The following TIE1 variants were observed in gnomAD, a reference collection of about 807,000 sequenced individuals.
TIE1 encodes the protein tyrosine kinase with immunoglobulin like and EGF like domains 1, also known as tyrosine-protein kinase receptor Tie-1.
In TIE1, 89 loss-of-function variants were observed where a neutral mutation model predicts 130.5. The ratio of observed to expected loss-of-function variants is 0.68; its 90% confidence interval spans 0.57 to 0.81. TIE1 has a LOEUF of 0.81. Ranked by LOEUF, TIE1 falls within the 40% of genes least tolerant of loss-of-function variation. The pLI, the probability that TIE1 is intolerant of heterozygous loss-of-function variation, is 0.00. For synonymous variants in TIE1, 568 were observed against 629.4 expected (o/e 0.90, Z 1.46); for missense variants, 1,392 against 1,559.8 (o/e 0.89, Z 1.81).
chr1:43,309,147 C>A lies in TIE1; in HGVS notation c.1188+16C>A, dbSNP rs537250554. The A allele has an allele frequency of 1.3e-6, 2 of 1,573,700 alleles. No individual in the cohort carries two copies. Among genetic ancestry groups the A allele is most frequent in the Non-Finnish European group, 1.7e-6 (2 of 1,156,692 alleles). On this transcript the variant is annotated intron_variant, in intron 8 of 22. Transcript: ENST00000372476. The surrounding 1 kb of genome is among the most constrained non-coding windows in gnomAD (Gnocchi z 6.3). ...TGTGCTCCTGGTCAGCCCCCAATCACCCCAACCCACCAGCCCCTCAGGCCG... is the reference window on the plus strand; with the variant it reads ...TGTGCTCCTGGTCAGCCCCCAATCAACCCAACCCACCAGCCCCTCAGGCCG...
chr1:43,317,891 A>G lies in TIE1; in HGVS notation c.2741A>G (p.Tyr914Cys). The change falls in exon 17 of 23, where the codon TAT becomes TGT. Residue 914 changes from tyrosine to cysteine, a missense_variant. By Grantham distance (194) the Tyr-to-Cys change is radical. This residue lies in a region of TIE1 where 286 missense variants were observed against 354.4 expected (regional missense o/e 0.81). Transcript: ENST00000372476. This position sits in a 1 kb window ranked among gnomAD's most constrained non-coding sequence, Gnocchi z 5.1. ...LGACKNRGYL[Y>C]IAIEYAPYGN... ...TCTCTTTGCCTCTCAGGTTACTTGT[A>G]TATCGCTATTGAATATGCCCCCTAC... The G allele has an allele frequency of 1.2e-6, 2 of 1,614,072 alleles. No individual in the cohort carries two copies. Among genetic ancestry groups the G allele is most frequent in the Non-Finnish European group, 1.7e-6 (2 of 1,179,960 alleles).
chr1:43,304,795 C>T (rs1646706998), intron 1 of TIE1, 56 bp from the exon 2 acceptor site: 4 of 1,380,288 alleles, frequency 2.9e-6, no homozygotes, highest in Non-Finnish European at 3.7e-6. Context: ...GCTGGGGGCT[C>T]TGGGGCACTA....
Position 43,306,975 on chromosome 1 carries a change from T to C in TIE1, c.620T>C (p.Phe207Ser), listed in dbSNP as rs1160150478. 1.9e-6 allele frequency: 3 copies of C among 1,613,794 alleles called. No individual in the cohort carries two copies. In the African/African-American group the frequency reaches 4.0e-5, roughly 22 times the overall value. Residue 207 changes from phenylalanine to serine, a missense_variant, in exon 4 of 23, where the codon TTC becomes TCC. Around this residue, in one of 6 missense-constraint regions of TIE1, gnomAD observed 415 missense variants for 424.8 expected, o/e 0.98. Transcript: ENST00000372476. This position sits in a 1 kb window ranked among gnomAD's most constrained non-coding sequence, Gnocchi z 4.9. ...YLEASPLGSA[F>S]FRLIVRGCGA... Reference sequence around the variant, plus strand: ...GAAGCCAGCCCCCTGGGCAGCGCCTTCTTTCGGCTCATCGTGCGGGGTCAG... The same window carrying C: ...GAAGCCAGCCCCCTGGGCAGCGCCTCCTTTCGGCTCATCGTGCGGGGTCAG...
rs150863408 is a variant in TIE1, at chr1:43,309,991, A to G, written c.1333+459A>G. 3.2e-3 allele frequency among the ~76,000 whole-genome samples: 489 copies of G among 152,150 alleles called. 4 individuals are homozygous for G. The highest frequency in any genetic ancestry group is 0.011 in the African/African-American group (473 of 41,506). On this transcript the variant is annotated intron_variant, in intron 9 of 22. Coordinates refer to ENST00000372476, the MANE Select transcript of TIE1 (RefSeq NM_005424.5). The surrounding 1 kb of genome is among the most constrained non-coding windows in gnomAD (Gnocchi z 6.3). Reference sequence around the variant, plus strand: ...GCATGCCTAGAAATCTTCCAGGTAAATAAGGAGGGACCTCCCAGTGCCCAA... The same window carrying G: ...GCATGCCTAGAAATCTTCCAGGTAAGTAAGGAGGGACCTCCCAGTGCCCAA...
At position 43,304,894 on chromosome 1, in the gene TIE1, G is replaced by A. The variant is rs1346712437; in HGVS notation, c.102G>A (p.Thr34=). Residue 34 remains threonine, a synonymous_variant, in exon 2 of 23, where the codon ACG becomes ACA. Coordinates refer to ENST00000372476, the MANE Select transcript of TIE1 (RefSeq NM_005424.5). ...DLTLLANLRL[T]DPQRFFLTCV... Reference sequence around the variant, plus strand: ...CGCTGCTGGCCAACCTGCGGCTCACGGACCCCCAGCGCTTCTTCCTGACTT... The same window carrying A: ...CGCTGCTGGCCAACCTGCGGCTCACAGACCCCCAGCGCTTCTTCCTGACTT... 1.4e-6 allele frequency: 2 copies of A among 1,428,798 alleles called. No homozygotes were observed. The highest frequency in any genetic ancestry group is 1.8e-6 in the Non-Finnish European group (2 of 1,097,034). 88.5% of individuals were successfully genotyped at this position (1,428,798 alleles called of 1,614,324 possible).
In TIE1 at chr1:43,313,362, C is replaced by T. The variant is rs376014176; in HGVS notation, c.2155C>T (p.Arg719Trp). ...CAGCACGCGCTACCTCTTCCGCATGCGGGCCAGCATTCAGGGGCTCGGGGA... is the reference window on the plus strand; with the variant it reads ...CAGCACGCGCTACCTCTTCCGCATGTGGGCCAGCATTCAGGGGCTCGGGGA... The part of the protein sequence containing the change: ...NASTRYLFRM[R>W]ASIQGLGDWS... The change falls in exon 13 of 23, where the codon CGG (arginine) becomes TGG (tryptophan). Residue 719 changes from arginine to tryptophan, a missense_variant. This residue lies in a region of TIE1 where 551 missense variants were observed against 565.5 expected (regional missense o/e 0.97). Transcript: ENST00000372476. This position sits in a 1 kb window ranked among gnomAD's most constrained non-coding sequence, Gnocchi z 6.2. The T allele has an allele frequency of 5.0e-6, 8 of 1,613,902 alleles. No homozygotes were observed. Among genetic ancestry groups the T allele is most frequent in the South Asian group, 2.2e-5 (2 of 91,092 alleles).
rs2153909475 is a variant in TIE1 at position 43,301,019 on chromosome 1, C to T, written c.-53C>T. ...ACAGGCTGAGCAGTCAGGCCCACAG[C>T]ATCTGACCCCAGGCCCAGCTCGTCC... On this transcript the variant is annotated 5_prime_UTR_variant, in exon 1 of 23. Transcript: ENST00000372476. 6.2e-7 allele frequency: 1 copy of T among 1,600,140 alleles called. No individual in the cohort carries two copies. Among genetic ancestry groups the T allele is most frequent in the South Asian group, 1.1e-5 (1 of 90,232 alleles).
rs766556419 is a variant in TIE1 at position 43,312,176 on chromosome 1, T to C, written c.1630+45T>C. 62 of 1,515,184 alleles carry C rather than the reference T, an allele frequency of 4.1e-5. No homozygotes were observed. Among genetic ancestry groups the C allele is most frequent in the Admixed American group, 1.1e-4 (5 of 44,724 alleles). The allele number at this position is 1,515,184 out of a possible 1,614,324, so 93.9% of individuals were successfully genotyped here. A position where few individuals can be genotyped will look rare whatever the true frequency, so the allele number is the denominator to read the frequency against. ...CCCTTCCTGTCCCCCCAAGGGTTAC[T>C]TTCCCGTCGACCCCAGGGACCCCTG... On this transcript the variant is annotated intron_variant, in intron 11 of 22. Transcript: ENST00000372476. This position sits in a 1 kb window ranked among gnomAD's most constrained non-coding sequence, Gnocchi z 5.6.
rs1432957229 is a variant in TIE1, at chr1:43,309,749, C to A, written c.1333+217C>A. 1.3e-5 allele frequency among the ~76,000 whole-genome samples: 2 copies of A among 152,132 alleles called. No homozygotes were observed. The highest frequency in any genetic ancestry group is 3.9e-4 in the East Asian group (2 of 5,194). ...ACCCATCTGGAAAGGACATCCCGTG[C>A]CCCAGAAACTGGGGACACTCTCCAG... On this transcript the variant is annotated intron_variant, in intron 9 of 22. Transcript: ENST00000372476. The surrounding 1 kb of genome is among the most constrained non-coding windows in gnomAD (Gnocchi z 6.3).
In TIE1 at chr1:43,304,893, C is replaced by A; in HGVS notation, c.101C>A (p.Thr34Lys). ...ACGCTGCTGGCCAACCTGCGGCTCA[C>A]GGACCCCCAGCGCTTCTTCCTGACT... The part of the protein sequence containing the change: ...DLTLLANLRL[T>K]DPQRFFLTCV... The change falls in exon 2 of 23, where the codon ACG (threonine) becomes AAG (lysine). Residue 34 changes from threonine (T) to lysine (K), a missense_variant. Physicochemically the swap from Thr to Lys is moderately conservative, Grantham distance 78. This residue lies in a region of TIE1 where 415 missense variants were observed against 424.8 expected (regional missense o/e 0.98). Coordinates refer to ENST00000372476, the MANE Select transcript of TIE1 (RefSeq NM_005424.5). The A allele has an allele frequency of 7.0e-7, 1 of 1,427,202 alleles. No individual in the cohort carries two copies. Among genetic ancestry groups the A allele is most frequent in the Non-Finnish European group, 9.1e-7 (1 of 1,096,358 alleles). The allele number at this position is 1,427,202 out of a possible 1,614,324, so 88.4% of individuals were successfully genotyped here. A position where few individuals can be genotyped will look rare whatever the true frequency, so the allele number is the denominator to read the frequency against.
intron 14 of TIE1, 97 bp downstream of exon 14, chr1:43,314,065 G>C (rs1435016756): frequency 8.0e-7 from 1 of 1,244,602 alleles, no homozygotes; most frequent in African/African-American, 1.5e-5. Flanking sequence ...GTGTGTGTGT[G>C]TGTGTGTGTG....
chr1:43,310,316 G>C (rs961075737), intron 9 of TIE1, among the ~76,000 whole-genome samples: 1 of 152,146 alleles, frequency 6.6e-6, no homozygotes, highest in East Asian at 1.9e-4. Flanking sequence ...GACAACCTGG[G>C]CTTGAATCCT....
Position 43,313,009 on chromosome 1 carries a change from G to A in TIE1, c.1928-126G>A. 1 of 1,127,344 alleles carries A rather than the reference G, an allele frequency of 8.9e-7. No individual in the cohort carries two copies. The highest frequency in any genetic ancestry group is 1.3e-6 in the Non-Finnish European group (1 of 794,312). The allele number at this position is 1,127,344 out of a possible 1,614,324, so 69.8% of individuals were successfully genotyped here. A position where few individuals can be genotyped will look rare whatever the true frequency, so the allele number is the denominator to read the frequency against. On this transcript the variant is annotated intron_variant, in intron 12 of 22. Coordinates refer to ENST00000372476, the MANE Select transcript of TIE1 (RefSeq NM_005424.5). This position sits in a 1 kb window ranked among gnomAD's most constrained non-coding sequence, Gnocchi z 6.2. ...AATTCAGTCTGGTGGGGAGGAGGAA[G>A]TTGGCAGGGTGGCCCCTGTGCTTGG...
chr1:43,304,847 C>T lies in TIE1; in HGVS notation c.59-4C>T. The T allele has an allele frequency of 7.1e-7, 1 of 1,417,094 alleles. No homozygotes were observed. Among genetic ancestry groups the T allele is most frequent in the Non-Finnish European group, 9.2e-7 (1 of 1,092,444 alleles). 87.8% of individuals were successfully genotyped at this position (1,417,094 alleles called of 1,614,324 possible). Reference sequence around the variant, plus strand: ...CAATAGAGTCACTGGTGTCCTGGCCCCAGGCGCGGCGGTGGACCTGACGCT... The same window carrying T: ...CAATAGAGTCACTGGTGTCCTGGCCTCAGGCGCGGCGGTGGACCTGACGCT... On this transcript the variant is annotated splice_polypyrimidine_tract_variant and splice_region_variant and intron_variant, in intron 1 of 22. Coordinates refer to ENST00000372476, the MANE Select transcript of TIE1 (RefSeq NM_005424.5).
Position 43,304,879 on chromosome 1 carries a change from C to T in TIE1, c.87C>T (p.Ala29=). ...VGAAVDLTLL[A]NLRLTDPQRF... ...CGGCGGTGGACCTGACGCTGCTGGC[C>T]AACCTGCGGCTCACGGACCCCCAGC... The change falls in exon 2 of 23, where the codon GCC becomes GCT. Residue 29 remains alanine (A), a synonymous_variant. Transcript: ENST00000372476. 3 of 1,423,792 alleles carry T rather than the reference C, an allele frequency of 2.1e-6. No homozygotes were observed. The highest frequency in any genetic ancestry group is 2.7e-6 in the Non-Finnish European group (3 of 1,094,858). 88.2% of individuals were successfully genotyped at this position (1,423,792 alleles called of 1,614,324 possible). A position where few individuals can be genotyped will look rare whatever the true frequency, so the allele number is the denominator to read the frequency against.
Position 43,317,425 on chromosome 1 carries a change from C to A in TIE1, c.2620+16C>A. On this transcript the variant is annotated intron_variant, in intron 15 of 22. Transcript: ENST00000372476. The surrounding 1 kb of genome is among the most constrained non-coding windows in gnomAD (Gnocchi z 5.1). ...ATGCTGAAAGGTCCACTGGGGCGACCCCTGGCCCAGCCCTGATGCTCTCCT... is the reference window on the plus strand; with the variant it reads ...ATGCTGAAAGGTCCACTGGGGCGACACCTGGCCCAGCCCTGATGCTCTCCT... 1 of 1,613,872 alleles carries A rather than the reference C, an allele frequency of 6.2e-7. No homozygotes were observed. The highest frequency in any genetic ancestry group is 8.5e-7 in the Non-Finnish European group (1 of 1,179,840).
intron 1 of TIE1, chr1:43,302,414 G>A (rs1294930740): frequency 6.6e-6 from 1 of 152,310 alleles, no homozygotes. Flanking sequence ...GTGGTTCATG[G>A]TCTAGTGCAG....
Position 43,306,905 on chromosome 1 carries a change from A to T in TIE1, c.550A>T (p.Asn184Tyr), listed in dbSNP as rs557675663. Residue 184 changes from asparagine (N) to tyrosine (Y), a missense_variant, in exon 4 of 23, where the codon AAT becomes TAT. Transcript: ENST00000372476. This position sits in a 1 kb window ranked among gnomAD's most constrained non-coding sequence, Gnocchi z 4.9. ...QDGRFLLQLP[N>Y]VQPPSSGIYS... The stretch of plus-strand genomic sequence containing the variant: ...TGGGCGGTTCCTGCTGCAGCTCCCA[A>T]ATGTGCAGCCACCATCGAGCGGCAT... The T allele has an allele frequency of 2.5e-6, 4 of 1,614,036 alleles. No individual in the cohort carries two copies. In the East Asian group the frequency reaches 6.7e-5, roughly 27 times the overall value.
chr1:43,312,049 T>TG lies in TIE1; in HGVS notation c.1549dup (p.Val517GlyfsTer28). The TG allele has an allele frequency of 6.2e-7, 1 of 1,607,876 alleles. No individual in the cohort carries two copies. Among genetic ancestry groups the TG allele is most frequent in the Non-Finnish European group, 8.5e-7 (1 of 1,176,158 alleles). ...ACCTGAGGCCAAAGACAGGATACAG[T>TG]GTTCGTGTGCAGCTGAGCCGGCCAG... On this transcript the variant is annotated frameshift_variant, in exon 11 of 23. Coordinates refer to ENST00000372476, the MANE Select transcript of TIE1 (RefSeq NM_005424.5). LOFTEE classifies it high-confidence loss of function. This position sits in a 1 kb window ranked among gnomAD's most constrained non-coding sequence, Gnocchi z 5.6.
Sources: gnomAD v4.1 joint callset for allele counts (sites outside exome capture counted in the v4.1 genomes callset) on GRCh38, gnomAD v4.1.1 for gene constraint, gnomAD v4.1.1 regional missense constraint, Gnocchi (gnomAD v3.1) non-coding constraint, MANE v1.5 for transcripts, NCBI Gene and HGNC (gene_info 2026-07-23, HGNC 2026-07-21) for gene names.